Variants in KIF26B observed in about 807,000 individuals in gnomAD.
KIF26B encodes kinesin-like protein KIF26B.
KIF26B carries 63 observed loss-of-function variants against 151.2 expected under a neutral mutation model. The ratio of observed to expected loss-of-function variants is 0.42; its 90% confidence interval spans 0.34 to 0.51. KIF26B has a LOEUF of 0.51. Among genes scored for constraint, KIF26B ranks in the 20% least tolerant of loss-of-function variants. The pLI is 0.07. For missense variants in KIF26B, 2,813 were observed against 2,913.6 expected (o/e 0.97, Z 0.79); for synonymous variants, 1,357 against 1,262.1 (o/e 1.08, Z -1.59).
At chr1:245,471,816 A>G (rs1403115188) in intron 4 of KIF26B, among the ~76,000 whole-genome samples, 2 of 150,224 alleles carry the variant, frequency 1.3e-5, no homozygotes, top group East Asian at 2.0e-4. Flanking sequence ...TTTGAAATGG[A>G]ATTTTGCTCT....
intron 2 of KIF26B, among the ~76,000 whole-genome samples, chr1:245,272,012 T>A (rs1280875719): frequency 6.6e-6 from 1 of 152,236 alleles, no homozygotes; most frequent in Non-Finnish European, 1.5e-5. Context: ...TTTTGGTTAC[T>A]GATTCAATCC....
intron 9 of KIF26B, among the ~76,000 whole-genome samples, chr1:245,623,836 A>G (rs975653030): frequency 6.6e-6 from 1 of 152,218 alleles, no homozygotes; most frequent in African/African-American, 2.4e-5. Context: ...GGTTCCAAGC[A>G]TTTCAGATAA....
At chr1:245,202,345 GT>G (rs1364055845) in intron 2 of KIF26B, among the ~76,000 whole-genome samples, 2 of 152,210 alleles carry the variant, frequency 1.3e-5, no homozygotes, top group Admixed American at 1.3e-4. Flanking sequence ...GACTAATCAG[GT>G]TTAGTGGGAA....
chr1:245,457,744 G>T (rs1288933943), intron 4 of KIF26B, among the ~76,000 whole-genome samples: 3 of 152,140 alleles, frequency 2.0e-5, no homozygotes, highest in Admixed American at 6.5e-5. Flanking sequence ...ATATATTTGA[G>T]ATTGATCCAT....
rs1441698413 is a variant in KIF26B at position 245,318,273 on chromosome 1, T to C, written c.466-48561T>C. ...AATCAGTCAACGTCAACTCTTGTCATTGCTTGGGGGGTAAAGGCAATACAA... is the reference window on the plus strand; with the variant it reads ...AATCAGTCAACGTCAACTCTTGTCACTGCTTGGGGGGTAAAGGCAATACAA... On this transcript the variant is annotated intron_variant, in intron 2 of 14. Coordinates refer to ENST00000407071, the MANE Select transcript of KIF26B (RefSeq NM_018012.4). The surrounding 1 kb of genome is among the most constrained non-coding windows in gnomAD (Gnocchi z 4.0). 6.6e-6 allele frequency among the ~76,000 whole-genome samples: 1 copy of C among 152,128 alleles called. No homozygotes were observed. Among genetic ancestry groups the C allele is most frequent in the Non-Finnish European group, 1.5e-5 (1 of 68,018 alleles).
At chr1:245,262,664 A>G (rs1450049361) in intron 2 of KIF26B, among the ~76,000 whole-genome samples, 1 of 152,118 alleles carries the variant, frequency 6.6e-6, no homozygotes, top group Non-Finnish European at 1.5e-5. Flanking sequence ...CATGTTGGCC[A>G]GGCTGGTCTC....
At chr1:245,204,188 A>T (rs1388646472) in intron 2 of KIF26B, among the ~76,000 whole-genome samples, 3 of 152,132 alleles carry the variant, frequency 2.0e-5, no homozygotes, top group Non-Finnish European at 4.4e-5. Flanking sequence ...CTCACAAGGG[A>T]TCTGGAAGGT....
At chr1:245,586,748 C>T (rs1207118231) in intron 5 of KIF26B, among the ~76,000 whole-genome samples, 1 of 151,374 alleles carries the variant, frequency 6.6e-6, no homozygotes, top group African/African-American at 2.4e-5. Context: ...TAGCCGGGCG[C>T]GGTGGCGGGC....
At chr1:245,552,621 T>A (rs550964736) in intron 5 of KIF26B, among the ~76,000 whole-genome samples, 4 of 151,494 alleles carry the variant, frequency 2.6e-5, no homozygotes, top group Admixed American at 2.6e-4. Context: ...CCTGGATTTT[T>A]TTTTTTTTTT....
intron 9 of KIF26B, among the ~76,000 whole-genome samples, chr1:245,644,475 C>G (rs1463812636): frequency 6.6e-6 from 1 of 152,140 alleles, no homozygotes; most frequent in Non-Finnish European, 1.5e-5. Context: ...TTTCAGTTAT[C>G]TCTTCATTAT....
chr1:245,572,166 C>CT lies in KIF26B; in HGVS notation c.1351-30409dup, dbSNP rs970131667. Among the ~76,000 whole-genome samples, 1 of 152,208 alleles carries CT rather than the reference C, an allele frequency of 6.6e-6. No homozygotes were observed. Among genetic ancestry groups the CT allele is most frequent in the Admixed American group, 6.5e-5 (1 of 15,288 alleles). The stretch of plus-strand genomic sequence containing the variant: ...CTGCCCCAACAGAGACAGGCTGACT[C>CT]TTACTACGTGGCCGTAGGAATGGTT... On this transcript the variant is annotated intron_variant, in intron 5 of 14. Transcript: ENST00000407071. The surrounding 1 kb of genome is among the most constrained non-coding windows in gnomAD (Gnocchi z 4.2).
At chr1:245,357,864 T>A (rs1474376396) in intron 2 of KIF26B, among the ~76,000 whole-genome samples, 1 of 152,168 alleles carries the variant, frequency 6.6e-6, no homozygotes, top group African/African-American at 2.4e-5. Flanking sequence ...ATGGGGCAAG[T>A]ACTTAAATTT....
Position 245,361,584 on chromosome 1 carries a change from G to A in KIF26B, c.466-5250G>A, listed in dbSNP as rs368507585. 9.2e-5 allele frequency among the ~76,000 whole-genome samples: 14 copies of A among 152,156 alleles called. No homozygotes were observed. The East Asian group carries it at 9.6e-4, about 10-fold the overall frequency. On this transcript the variant is annotated intron_variant, in intron 2 of 14. Coordinates refer to ENST00000407071, the MANE Select transcript of KIF26B (RefSeq NM_018012.4). Reference sequence around the variant, plus strand: ...ATGACAAACCTTGGGTTCAGACTCCGGGTAGGACAGAAGGAAGTTTCTACC... The same window carrying A: ...ATGACAAACCTTGGGTTCAGACTCCAGGTAGGACAGAAGGAAGTTTCTACC...
At chr1:245,651,195 A>G (rs1208057760) in intron 10 of KIF26B, among the ~76,000 whole-genome samples, 1 of 152,232 alleles carries the variant, frequency 6.6e-6, no homozygotes, top group African/African-American at 2.4e-5. Context: ...AACCAAGGTC[A>G]TCTTTAAGCT....
chr1:245,543,508 C>T (rs56375040), intron 5 of KIF26B, among the ~76,000 whole-genome samples: 9,528 of 152,138 alleles, frequency 0.063, 695 homozygotes, highest in African/African-American at 0.17. Flanking sequence ...TCTGGGGTCA[C>T]AGAACATCAT....
chr1:245,664,430 T>TA (rs2044191287), intron 10 of KIF26B, among the ~76,000 whole-genome samples: 2 of 151,978 alleles, frequency 1.3e-5, no homozygotes, highest in African/African-American at 4.8e-5. Context: ...CAGCCTATCA[T>TA]ATTGCTCCTT....
intron 2 of KIF26B, among the ~76,000 whole-genome samples, chr1:245,242,206 C>T (rs2941284): frequency 0.56 from 85,736 of 152,152 alleles, 25,517 homozygotes; most frequent in Non-Finnish European, 0.66. Flanking sequence ...GCCTGGGCTA[C>T]ACAGCGAGAC....
At chr1:245,558,772 A>G (rs1326744540) in intron 5 of KIF26B, among the ~76,000 whole-genome samples, 1 of 152,226 alleles carries the variant, frequency 6.6e-6, no homozygotes, top group African/African-American at 2.4e-5. Context: ...TTTATTTGCA[A>G]AAGGCAAAAT....
At chr1:245,688,838 G>A (rs764573483) in intron 12 of KIF26B, 31 bp downstream of exon 12, 1 of 1,536,086 alleles carries the variant, frequency 6.5e-7, no homozygotes, top group Admixed American at 1.9e-5. Context: ...ACGCGGGTGA[G>A]GAGGGCGGCA....
Sources: gnomAD v4.1 joint callset for allele counts (sites outside exome capture counted in the v4.1 genomes callset) on GRCh38, gnomAD v4.1.1 for gene constraint, Gnocchi (gnomAD v3.1) non-coding constraint, MANE v1.5 for transcripts, NCBI Gene and HGNC (gene_info 2026-07-23, HGNC 2026-07-21) for gene names.